Variants in DMRTC1B observed in about 807,000 individuals in gnomAD.
The protein encoded by DMRTC1B is doublesex- and mab-3-related transcription factor C1.
intron 1 of DMRTC1B, among the ~76,000 whole-genome samples, chrX:72,839,187 G>C (rs2054716443): frequency 8.9e-6 from 1 of 112,056 alleles, no homozygotes; most frequent in African/African-American, 3.4e-5. Flanking sequence ...ACTGTGTGCA[G>C]TGTACCATGC....
chrX:72,807,592 G>A (rs2054663943), intron 1 of DMRTC1B: 1 of 935,307 alleles, frequency 1.1e-6, no homozygotes, highest in Admixed American at 3.0e-5. Context: ...AGGAAAGCGA[G>A]TGACAAGTGG....
chrX:72,839,475 G>A (rs1403225096), intron 1 of DMRTC1B, among the ~76,000 whole-genome samples: 1 of 112,854 alleles, frequency 8.9e-6, no homozygotes, highest in East Asian at 2.7e-4. Flanking sequence ...GTGAATCTAG[G>A]CATCAGATTG....
At chrX:72,839,396 GAA>G (rs1435972573) in intron 1 of DMRTC1B, among the ~76,000 whole-genome samples, 119 of 113,013 alleles carry the variant, frequency 1.1e-3, no homozygotes, top group African/African-American at 3.4e-3. Context: ...GTAACTGGGT[GAA>G]GTGTTTGGAA....
chrX:72,820,726 G>A (rs2054693074), intron 1 of DMRTC1B, among the ~76,000 whole-genome samples: 1 of 76,664 alleles, frequency 1.3e-5, no homozygotes, highest in African/African-American at 4.9e-5. Context: ...CACCGTGTTA[G>A]CCAGGATGGT....
chrX:72,807,387 C>T, intron 1 of DMRTC1B: 3 of 362,469 alleles, frequency 8.3e-6, no homozygotes, highest in Non-Finnish European at 8.9e-6. Flanking sequence ...CCAGTTCAGC[C>T]GACGTGTTGA....
At chrX:72,817,867 C>CGT (rs1297560791) in intron 1 of DMRTC1B, among the ~76,000 whole-genome samples, 1 of 10,470 alleles carries the variant, frequency 9.6e-5, no homozygotes, top group African/African-American at 1.5e-4. Flanking sequence ...TAGTTTTCTG[C>CGT]GTGTGTGTAT....
intron 1 of DMRTC1B, among the ~76,000 whole-genome samples, chrX:72,820,512 TTTC>T (rs1556348273): frequency 1.8e-5 from 2 of 109,388 alleles, no homozygotes; most frequent in African/African-American, 6.8e-5. Flanking sequence ...ACCCGAGATA[TTTC>T]TTTTTTTTTT....
chrX:72,840,175 CAAAGAGAA>C (rs1231598378), intron 1 of DMRTC1B, among the ~76,000 whole-genome samples: 287 of 65,277 alleles, frequency 4.4e-3, no homozygotes, highest in Non-Finnish European at 7.6e-3. Context: ...CAAAGCAAAG[CAAAGAGAA>C]AAAGCAAAGC....
At chrX:72,848,124 G>A (rs2054750658) in intron 6 of DMRTC1B, 139 bp from the exon 7 acceptor site, 1 of 51,077 alleles carries the variant, frequency 2.0e-5, no homozygotes, top group East Asian at 4.6e-5. Flanking sequence ...CAAGATGGGA[G>A]ATGGGGAAAT....
chrX:72,820,515 C>CTT (rs375115289), intron 1 of DMRTC1B, among the ~76,000 whole-genome samples: 19 of 95,958 alleles, frequency 2.0e-4, no homozygotes, highest in African/African-American at 5.9e-4. Flanking sequence ...CGAGATATTT[C>CTT]TTTTTTTTTT....
intron 1 of DMRTC1B, among the ~76,000 whole-genome samples, chrX:72,820,545 A>C (rs1361884465): frequency 5.4e-5 from 5 of 92,171 alleles, no homozygotes; most frequent in African/African-American, 2.4e-4. Flanking sequence ...TTTGAGACGG[A>C]GTCTCGCTGT....
At chrX:72,839,340 C>T (rs1232551537) in intron 1 of DMRTC1B, among the ~76,000 whole-genome samples, 4 of 110,825 alleles carry the variant, frequency 3.6e-5, no homozygotes, top group East Asian at 5.7e-4. Context: ...AATGGCACTG[C>T]GGTTTCATAG....
intron 1 of DMRTC1B, among the ~76,000 whole-genome samples, chrX:72,820,782 G>A (rs2054693721): frequency 1.4e-5 from 1 of 72,613 alleles, no homozygotes; most frequent in Non-Finnish European, 2.6e-5. Flanking sequence ...CCTCCCAACC[G>A]AGATGTTTCT....
intron 1 of DMRTC1B, among the ~76,000 whole-genome samples, chrX:72,841,789 TC>T (rs2054738947): frequency 7.9e-5 from 2 of 25,200 alleles, no homozygotes; most frequent in Admixed American, 9.6e-4. Context: ...GACTTTAAGA[TC>T]AAGTCACGTT....
rs1213339635 is a variant in DMRTC1B at position 72,807,517 on chromosome X, G to A, written c.-95+30269G>A. 1.3e-5 allele frequency: 9 copies of A among 667,520 alleles called. 1 individual carries two copies. Among genetic ancestry groups the A allele is most frequent in the African/African-American group, 9.7e-5 (3 of 30,886 alleles). 55.0% of individuals were successfully genotyped at this position (667,520 alleles called of 1,213,427 possible). A position where few individuals can be genotyped will look rare whatever the true frequency, so the allele number is the denominator to read the frequency against. On this transcript the variant is annotated intron_variant, in intron 1 of 6. Coordinates refer to ENST00000334036, the MANE Select transcript of DMRTC1B (RefSeq NM_001386972.1). ...GAGCATCAGAGGGGGCTCGGTCACC[G>A]TTCACGCCTGTGTCTGTGGCTCCGG...
chrX:72,820,341 T>C (rs1199868279), intron 1 of DMRTC1B, among the ~76,000 whole-genome samples: 1 of 63,402 alleles, frequency 1.6e-5, no homozygotes, highest in Admixed American at 2.0e-4. Context: ...TGTTGACTTC[T>C]TCAAGGAATC....
In DMRTC1B at chrX:72,808,237, CT is replaced by C. The variant is rs1381699253; in HGVS notation, c.-95+30990del. 40 of 130,726 alleles carry C rather than the reference CT, an allele frequency of 3.1e-4. 3 individuals carry two copies. In the African/African-American group the frequency reaches 4.8e-3, roughly 16 times the overall value. 10.8% of individuals were successfully genotyped at this position (130,726 alleles called of 1,213,427 possible). A position where few individuals can be genotyped will look rare whatever the true frequency, so the allele number is the denominator to read the frequency against. ...GCCCCCTCCACGCCCCATTCAGCCCCTCTGCCCCTGCCCCATCGTCCCTCCC... is the reference window on the plus strand; with the variant it reads ...GCCCCCTCCACGCCCCATTCAGCCCCCTGCCCCTGCCCCATCGTCCCTCCC... On this transcript the variant is annotated intron_variant, in intron 1 of 6. Coordinates refer to ENST00000334036, the MANE Select transcript of DMRTC1B (RefSeq NM_001386972.1).
intron 1 of DMRTC1B, among the ~76,000 whole-genome samples, chrX:72,840,228 CAAAGCAAAGCAAA>C: frequency 1.4e-5 from 1 of 71,281 alleles, no homozygotes; most frequent in East Asian, 4.3e-4. Flanking sequence ...CAAAGCAAAG[CAAAGCAAAGCAAA>C]GCAAACTCTG....
At chrX:72,820,708 C>T (rs1445656080) in intron 1 of DMRTC1B, among the ~76,000 whole-genome samples, 5 of 75,910 alleles carry the variant, frequency 6.6e-5, no homozygotes, top group South Asian at 9.0e-4. Flanking sequence ...TTAGTAGAGA[C>T]GGGGTTTCAC....
Sources: gnomAD v4.1 joint callset for allele counts (sites outside exome capture counted in the v4.1 genomes callset) on GRCh38, gnomAD v4.1.1 for gene constraint, MANE v1.5 for transcripts, NCBI Gene and HGNC (gene_info 2026-07-23, HGNC 2026-07-21) for gene names.